The following DDR1 variants were observed in gnomAD, a reference collection of about 807,000 sequenced individuals.
The protein encoded by DDR1 is discoidin domain receptor tyrosine kinase 1, also known as epithelial discoidin domain-containing receptor 1.
DDR1 carries 64 observed loss-of-function variants against 97.4 expected under a neutral mutation model. That is an observed-to-expected ratio of 0.66 (90% confidence interval 0.54 to 0.81). DDR1 has a LOEUF of 0.81. Among genes scored for constraint, DDR1 ranks in the 30% least tolerant of loss-of-function variants. The pLI, the probability that DDR1 is intolerant of heterozygous loss-of-function variation, is 0.00. For missense variants in DDR1, 990 were observed against 1,259.6 expected (o/e 0.79, Z 3.24); for synonymous variants, 458 against 503.7 (o/e 0.91, Z 1.21).
chr6:30,891,008 G>C lies in DDR1; in HGVS notation c.453G>C (p.Val151=). Residue 151 remains valine (V), a synonymous_variant, in exon 5 of 18, where the codon GTG becomes GTC. Transcript: ENST00000376568. This position sits in a 1 kb window ranked among gnomAD's most constrained non-coding sequence, Gnocchi z 5.3. ...GCAATGAGGACCCTGAGGGAGTGGT[G>C]CTGAAGGACCTTGGGCCCCCCATGG... ...ISGNEDPEGV[V]LKDLGPPMVA... 2 of 1,612,424 alleles carry C rather than the reference G, an allele frequency of 1.2e-6. No homozygotes were observed. Among genetic ancestry groups the C allele is most frequent in the Non-Finnish European group, 1.7e-6 (2 of 1,179,690 alleles).
chr6:30,889,745 G>A lies in DDR1; in HGVS notation c.417+315G>A, dbSNP rs1787327482. Among the ~76,000 whole-genome samples the A allele has an allele frequency of 6.6e-6, 1 of 151,870 alleles. No individual in the cohort carries two copies. Among genetic ancestry groups the A allele is most frequent in the East Asian group, 1.9e-4 (1 of 5,176 alleles). ...AAGCACTGTAGCCAGCCACCTAGAT[G>A]TCTAATAGGCATCTCAAACGTACGT... On this transcript the variant is annotated intron_variant, in intron 4 of 17. Coordinates refer to ENST00000376568, the MANE Select transcript of DDR1 (RefSeq NM_001297654.2). The surrounding 1 kb of genome is among the most constrained non-coding windows in gnomAD (Gnocchi z 4.9).
rs1001768892 is a variant in DDR1, at chr6:30,888,624, G to A, written c.-42-64G>A. 7.8e-6 allele frequency: 12 copies of A among 1,534,744 alleles called. No homozygotes were observed. The highest frequency in any genetic ancestry group is 1.1e-5 in the Non-Finnish European group (12 of 1,137,346). ...ATCCCCAAAGCGGCCCATTCTGTCT[G>A]TTGCTGTCAGCTATGACTCAGTCCC... On this transcript the variant is annotated intron_variant, in intron 1 of 17. Transcript: ENST00000376568. This position sits in a 1 kb window ranked among gnomAD's most constrained non-coding sequence, Gnocchi z 4.2.
chr6:30,895,256 G>A (rs182947339), intron 11 of DDR1, 148 bp from the exon 12 acceptor site: 16 of 610,774 alleles, frequency 2.6e-5, no homozygotes, highest in East Asian at 2.3e-4. Flanking sequence ...CCAGCCGTCC[G>A]TCACTCTGCA....
chr6:30,900,065 C>G lies in DDR1; in HGVS notation c.*769C>G, dbSNP rs753100361. ...GTTTGTACATTTTTGGGGGGAGAGA[C>G]ACAGATTTTTACACTAATATATGGA... On this transcript the variant is annotated 3_prime_UTR_variant, in exon 18 of 18. Coordinates refer to ENST00000376568, the MANE Select transcript of DDR1 (RefSeq NM_001297654.2). The G allele has an allele frequency of 5.0e-5, 30 of 596,508 alleles. No individual in the cohort carries two copies. The highest frequency in any genetic ancestry group is 3.4e-4 in the East Asian group (10 of 29,440). The allele number at this position is 596,508 out of a possible 1,614,324, so 37.0% of individuals were successfully genotyped here.
At position 30,889,764 on chromosome 6, in the gene DDR1, C is replaced by T. The variant is rs1471235897; in HGVS notation, c.417+334C>T. Among the ~76,000 whole-genome samples, 1 of 152,102 alleles carries T rather than the reference C, an allele frequency of 6.6e-6. No homozygotes were observed. Among genetic ancestry groups the T allele is most frequent in the African/African-American group, 2.4e-5 (1 of 41,398 alleles). On this transcript the variant is annotated intron_variant, in intron 4 of 17. Coordinates refer to ENST00000376568, the MANE Select transcript of DDR1 (RefSeq NM_001297654.2). The surrounding 1 kb of genome is among the most constrained non-coding windows in gnomAD (Gnocchi z 4.9). The stretch of plus-strand genomic sequence containing the variant: ...CTAGATGTCTAATAGGCATCTCAAA[C>T]GTACGTTTAACTTCCCAAGCTGAAT...
At position 30,888,805 on chromosome 6, in the gene DDR1, T is replaced by G. The variant is rs761641414; in HGVS notation, c.76T>G (p.Phe26Val). 2 of 1,613,004 alleles carry G rather than the reference T, an allele frequency of 1.2e-6. No homozygotes were observed. The highest frequency in any genetic ancestry group is 8.5e-7 in the Non-Finnish European group (1 of 1,180,014). Residue 26 changes from phenylalanine to valine, a missense_variant, in exon 2 of 18, where the codon TTT (phenylalanine) becomes GTT (valine). Phe to Val is a conservative substitution (Grantham distance 50). Coordinates refer to ENST00000376568, the MANE Select transcript of DDR1 (RefSeq NM_001297654.2). This position sits in a 1 kb window ranked among gnomAD's most constrained non-coding sequence, Gnocchi z 4.2. ...ASGDADMKGHFDPAKCRYALG... is the reference protein window; with the variant it reads ...ASGDADMKGHVDPAKCRYALG... ...TGGAGATGCTGACATGAAGGGACAT[T>G]TTGATCCTGGTGAGGAGACTGAATC...
In DDR1 at chr6:30,892,426, A is replaced by C. The variant is rs770941243; in HGVS notation, c.983A>C (p.Asp328Ala). The C allele has an allele frequency of 6.2e-7, 1 of 1,605,718 alleles. No homozygotes were observed. Among genetic ancestry groups the C allele is most frequent in the Admixed American group, 1.7e-5 (1 of 59,870 alleles). ...CACAACCTAGGGGGCAACCTGGGGG[A>C]CCCCAGAGCCCGGGCTGTCTCAGTG... ...MRHNLGGNLG[D>A]PRARAVSVPL... The change falls in exon 8 of 18, where the codon GAC (aspartate) becomes GCC (alanine). Residue 328 changes from aspartate to alanine, a missense_variant. Transcript: ENST00000376568.
rs746422238 is a variant in DDR1, at chr6:30,889,308, C to T, written c.295C>T (p.Leu99=). 3.7e-6 allele frequency: 6 copies of T among 1,612,804 alleles called. No homozygotes were observed. The highest frequency in any genetic ancestry group is 5.1e-6 in the Non-Finnish European group (6 of 1,179,988). The part of the protein sequence containing the change: ...VDLQRLHLVA[L]VGTQGRHAGG... The stretch of plus-strand genomic sequence containing the variant: ...TCTACAACGACTGCACCTGGTGGCT[C>T]TGGTGGGCACCCAGGGACGGCATGC... Residue 99 remains leucine (L), a synonymous_variant, in exon 4 of 18, where the codon CTG becomes TTG. Transcript: ENST00000376568. This position sits in a 1 kb window ranked among gnomAD's most constrained non-coding sequence, Gnocchi z 4.9.
Position 30,895,414 on chromosome 6 carries a change from C to T in DDR1, c.1524C>T (p.Leu508=). ...TCCTTCTCCCGACAGCGTTGCTGCT[C>T]TCCAATCCAGCCTACCGCCTCCTTC... ...PCVPNGSALL[L]SNPAYRLLLA... is the part of the protein sequence containing the mutation. Residue 508 remains leucine, a synonymous_variant, in exon 12 of 18, where the codon CTC becomes CTT. Coordinates refer to ENST00000376568, the MANE Select transcript of DDR1 (RefSeq NM_001297654.2). The T allele has an allele frequency of 6.2e-7, 1 of 1,610,592 alleles. No homozygotes were observed. Among genetic ancestry groups the T allele is most frequent in the Non-Finnish European group, 8.5e-7 (1 of 1,178,838 alleles).
Position 30,892,295 on chromosome 6 carries a change from G to C in DDR1, c.853-1G>C, listed in dbSNP as rs141544725. ...CCTGTGCCCTCTTCCCTTCCCCCCA[G>C]GTCCACTGTAACAACATGCACACGC... On this transcript the variant is annotated splice_acceptor_variant, in intron 7 of 17. Coordinates refer to ENST00000376568, the MANE Select transcript of DDR1 (RefSeq NM_001297654.2). LOFTEE classifies it high-confidence loss of function. The C allele has an allele frequency of 1.9e-6, 3 of 1,576,208 alleles. No individual in the cohort carries two copies. The highest frequency in any genetic ancestry group is 2.6e-6 in the Non-Finnish European group (3 of 1,158,942).
Position 30,889,272 on chromosome 6 carries a change from T to C in DDR1, c.259T>C (p.Leu87=). 6.2e-7 allele frequency: 1 copy of C among 1,612,960 alleles called. No individual in the cohort carries two copies. Among genetic ancestry groups the C allele is most frequent in the Non-Finnish European group, 8.5e-7 (1 of 1,179,984 alleles). ...GSVFPKEEEY[L]QVDLQRLHLV... ...GGTGTTTCCCAAGGAGGAGGAGTAC[T>C]TGCAGGTGGATCTACAACGACTGCA... The change falls in exon 4 of 18, where the codon TTG becomes CTG. Residue 87 remains leucine (L), a synonymous_variant. Coordinates refer to ENST00000376568, the MANE Select transcript of DDR1 (RefSeq NM_001297654.2). The surrounding 1 kb of genome is among the most constrained non-coding windows in gnomAD (Gnocchi z 4.9).
chr6:30,899,973 G>A lies in DDR1; in HGVS notation c.*677G>A. 1.7e-6 allele frequency: 1 copy of A among 580,172 alleles called. No homozygotes were observed. The highest frequency in any genetic ancestry group is 3.3e-6 in the Non-Finnish European group (1 of 299,182). The allele number at this position is 580,172 out of a possible 1,614,324, so 35.9% of individuals were successfully genotyped here. Reference sequence around the variant, plus strand: ...GATTGGGGGGAAAGAGGGAGCAACGGCCCATAGCCTTGGGGTTGGACATCT... The same window carrying A: ...GATTGGGGGGAAAGAGGGAGCAACGACCCATAGCCTTGGGGTTGGACATCT... On this transcript the variant is annotated 3_prime_UTR_variant, in exon 18 of 18. Coordinates refer to ENST00000376568, the MANE Select transcript of DDR1 (RefSeq NM_001297654.2).
chr6:30,896,605 C>G lies in DDR1; in HGVS notation c.1625-16C>G. 6.2e-7 allele frequency: 1 copy of G among 1,608,342 alleles called. No individual in the cohort carries two copies. The highest frequency in any genetic ancestry group is 1.1e-5 in the South Asian group (1 of 90,416). On this transcript the variant is annotated splice_polypyrimidine_tract_variant and intron_variant, in intron 12 of 17. Transcript: ENST00000376568. The stretch of plus-strand genomic sequence containing the variant: ...CCTGATGCCTCGTCCTGTCTTCTTT[C>G]CCCTCACCCCTGCAGCCTACAGTGG...
At position 30,894,432 on chromosome 6, in the gene DDR1, A is replaced by G. The variant is rs1789904490; in HGVS notation, c.1348-74A>G. On this transcript the variant is annotated intron_variant, in intron 10 of 17. Coordinates refer to ENST00000376568, the MANE Select transcript of DDR1 (RefSeq NM_001297654.2). The surrounding 1 kb of genome is among the most constrained non-coding windows in gnomAD (Gnocchi z 5.7). ...TTGTGAGGGCTGAGGGAGGGAACGC[A>G]GGGATGGACACAGCAGAGGGCCAGG... 2 of 1,438,514 alleles carry G rather than the reference A, an allele frequency of 1.4e-6. No homozygotes were observed. Among genetic ancestry groups the G allele is most frequent in the African/African-American group, 1.4e-5 (1 of 69,962 alleles). The allele number at this position is 1,438,514 out of a possible 1,614,324, so 89.1% of individuals were successfully genotyped here.
rs143061452 is a variant in DDR1 at position 30,892,419 on chromosome 6, C to A, written c.976C>A (p.Leu326Met). Residue 326 changes from leucine to methionine, a missense_variant, in exon 8 of 18, where the codon CTG (leucine) becomes ATG (methionine). By Grantham distance (15) the Leu-to-Met change is conservative (BLOSUM62 2). Transcript: ENST00000376568. ...CATGCGCCACAACCTAGGGGGCAAC[C>A]TGGGGGACCCCAGAGCCCGGGCTGT... ...EPMRHNLGGN[L>M]GDPRARAVSV... The A allele has an allele frequency of 6.2e-7, 1 of 1,605,230 alleles. No individual in the cohort carries two copies. The highest frequency in any genetic ancestry group is 8.5e-7 in the Non-Finnish European group (1 of 1,178,926).
chr6:30,887,528 G>A (rs541515015), intron 1 of DDR1, among the ~76,000 whole-genome samples: 2 of 152,236 alleles, frequency 1.3e-5, no homozygotes, highest in Admixed American at 6.5e-5. Context: ...TTTTCAAAAG[G>A]TGGGATATTT....
chr6:30,892,672 TA>T (rs1788967284), intron 8 of DDR1, 130 bp downstream of exon 8: 4 of 1,278,456 alleles, frequency 3.1e-6, no homozygotes, highest in South Asian at 3.1e-5. Flanking sequence ...ACTTCTCAAT[TA>T]GGGGTGCCCC....
Position 30,892,088 on chromosome 6 carries a change from C to T in DDR1, c.752C>T (p.Pro251Leu), listed in dbSNP as rs199613179. Residue 251 changes from proline to leucine, a missense_variant, in exon 7 of 18, where the codon CCA becomes CTA. Coordinates refer to ENST00000376568, the MANE Select transcript of DDR1 (RefSeq NM_001297654.2). ...FRKSQELRVW[P>L]GYDYVGWSNH... is the part of the protein sequence containing the mutation. ...AAGAGTCAGGAGCTGCGGGTCTGGC[C>T]AGGCTATGACTATGTGGGATGGAGC... 9.8e-5 allele frequency: 158 copies of T among 1,614,022 alleles called. No individual in the cohort carries two copies. Among genetic ancestry groups the T allele is most frequent in the Non-Finnish European group, 4.0e-5 (47 of 1,180,018 alleles).
rs1170991180 is a variant in DDR1 at position 30,896,644 on chromosome 6, C to T, written c.1648C>T (p.Pro550Ser). ...AGCCTACAGTGGGGACTATATGGAG[C>T]CTGAGAAGCCAGGCGCCCCGCTTCT... ...TQAYSGDYMEPEKPGAPLLPP... is the reference protein window; with the variant it reads ...TQAYSGDYMESEKPGAPLLPP... Residue 550 changes from proline to serine, a missense_variant, in exon 13 of 18, where the codon CCT (proline) becomes TCT (serine). Physicochemically the swap from Pro to Ser is moderately conservative, Grantham distance 74. Coordinates refer to ENST00000376568, the MANE Select transcript of DDR1 (RefSeq NM_001297654.2). 5 of 1,613,344 alleles carry T rather than the reference C, an allele frequency of 3.1e-6. No homozygotes were observed. Among genetic ancestry groups the T allele is most frequent in the Non-Finnish European group, 4.2e-6 (5 of 1,179,766 alleles).
Sources: allele counts gnomAD v4.1 joint callset (sites outside exome capture counted in the v4.1 genomes callset), GRCh38; gene constraint gnomAD v4.1.1; non-coding constraint Gnocchi (gnomAD v3.1); transcripts MANE v1.5; gene names NCBI Gene and HGNC (gene_info 2026-07-23, HGNC 2026-07-21).